GAB2: variants seen among roughly 807,000 people sequenced by gnomAD.
GAB2 encodes GRB2 associated binding protein 2.
GAB2 carries 26 observed loss-of-function variants against 65.5 expected under a neutral mutation model. The ratio of observed to expected loss-of-function variants is 0.40; its 90% CI spans 0.29 to 0.55. The LOEUF (loss-of-function observed/expected upper bound fraction) is 0.55. GAB2 is among the 20% of genes least tolerant of loss of function. GAB2 has a pLI of 0.53. For synonymous variants in GAB2, 321 were observed against 329.6 expected, an observed-to-expected ratio of 0.97 and a Z score of 0.28; for missense variants, 884 against 875.8, an observed-to-expected ratio of 1.01 and a Z score of -0.12.
chr11:78,253,323 G>C (rs1472418604), intron 2 of GAB2, among the ~76,000 whole-genome samples: 1 of 152,068 alleles, frequency 6.6e-6, no homozygotes, highest in Non-Finnish European at 1.5e-5. Flanking sequence ...ACATGGTCTT[G>C]CTCTGTTGCT....
chr11:78,232,374 C>A (rs777133271), intron 3 of GAB2, among the ~76,000 whole-genome samples: 7 of 152,162 alleles, frequency 4.6e-5, no homozygotes, highest in Non-Finnish European at 7.3e-5. Flanking sequence ...GGTTTAACAG[C>A]CTTCTTGAAA....
chr11:78,388,523 T>C (rs1055009680), intron 1 of GAB2, among the ~76,000 whole-genome samples: 1 of 151,896 alleles, frequency 6.6e-6, no homozygotes, highest in Non-Finnish European at 1.5e-5. Context: ...AGACAGTGTC[T>C]TGCTATGTTG....
chr11:78,408,334 C>T (rs1012810482), intron 1 of GAB2, among the ~76,000 whole-genome samples: 5 of 152,064 alleles, frequency 3.3e-5, no homozygotes, highest in African/African-American at 1.2e-4. Context: ...TAAGACGACA[C>T]CAACTGACTG....
At chr11:78,324,526 G>C (rs1855788588) in intron 1 of GAB2, among the ~76,000 whole-genome samples, 1 of 152,182 alleles carries the variant, frequency 6.6e-6, no homozygotes, top group South Asian at 2.1e-4. Context: ...AAAGAAAGGT[G>C]CTAGAGGGAA....
At chr11:78,337,243 T>C (rs1323072787) in intron 1 of GAB2, among the ~76,000 whole-genome samples, 1 of 152,214 alleles carries the variant, frequency 6.6e-6, no homozygotes, top group Admixed American at 6.5e-5. Context: ...TGGGTTTGAT[T>C]TCCTCATCTA....
rs1019214880 is a variant in GAB2, at chr11:78,417,809, G to T, written c.-89C>A. 1 of 610,644 alleles carries T rather than the reference G, an allele frequency of 1.6e-6. No homozygotes were observed. The highest frequency in any genetic ancestry group is 2.1e-6 in the Non-Finnish European group (1 of 485,978). The allele number at this position is 610,644 out of a possible 1,614,324, so 37.8% of individuals were successfully genotyped here. A position where few individuals can be genotyped will look rare whatever the true frequency, so the allele number is the denominator to read the frequency against. ...CAGCGGCCGGCGGTGCGCAGCTCGCGGGAGGCCAGGGGCGGGGCGGGCGGC... is the reference window on the plus strand; with the variant it reads ...CAGCGGCCGGCGGTGCGCAGCTCGCTGGAGGCCAGGGGCGGGGCGGGCGGC... On this transcript the variant is annotated 5_prime_UTR_variant, in exon 1 of 10. Transcript: ENST00000361507.
At position 78,219,107 on chromosome 11, in the gene GAB2, C is replaced by G. The variant is rs972885322; in HGVS notation, c.*165G>C. 1 of 651,956 alleles carries G rather than the reference C, an allele frequency of 1.5e-6. No homozygotes were observed. Among genetic ancestry groups the G allele is most frequent in the Non-Finnish European group, 2.6e-6 (1 of 387,060 alleles). 40.4% of individuals were successfully genotyped at this position (651,956 alleles called of 1,614,324 possible). A position where few individuals can be genotyped will look rare whatever the true frequency, so the allele number is the denominator to read the frequency against. On this transcript the variant is annotated 3_prime_UTR_variant, in exon 10 of 10. Coordinates refer to ENST00000361507, the MANE Select transcript of GAB2 (RefSeq NM_080491.3). Reference sequence around the variant, plus strand: ...GGAGGTGCCTTGATCAGGCCCTCACCTCCCAGGGGAAGGGTTCAGGGTCCC... The same window carrying G: ...GGAGGTGCCTTGATCAGGCCCTCACGTCCCAGGGGAAGGGTTCAGGGTCCC...
chr11:78,391,011 C>T (rs1856827486), intron 1 of GAB2, among the ~76,000 whole-genome samples: 1 of 152,106 alleles, frequency 6.6e-6, no homozygotes, highest in Non-Finnish European at 1.5e-5. Flanking sequence ...CTCAAAGAGC[C>T]CTGATTAGGA....
Position 78,362,521 on chromosome 11 carries a change from G to A in GAB2, c.75+55125C>T, listed in dbSNP as rs186357975. Among the ~76,000 whole-genome samples the A allele has an allele frequency of 2.6e-3, 400 of 151,990 alleles. 2 individuals are homozygous for A. The highest frequency in any genetic ancestry group is 9.3e-3 in the African/African-American group (385 of 41,460). On this transcript the variant is annotated intron_variant, in intron 1 of 9. Coordinates refer to ENST00000361507, the MANE Select transcript of GAB2 (RefSeq NM_080491.3). ...AAACAACAGAAAATTTCAGTGTAAG[G>A]TAAGGTACAACACTACACGGTTGCA...
intron 1 of GAB2, among the ~76,000 whole-genome samples, chr11:78,302,480 C>A (rs189920296): frequency 1.3e-5 from 2 of 151,736 alleles, no homozygotes; most frequent in South Asian, 2.1e-4. Context: ...AACCACAAAG[C>A]GATACCACCT....
chr11:78,340,661 G>A (rs1277331704), intron 1 of GAB2, among the ~76,000 whole-genome samples: 2 of 151,778 alleles, frequency 1.3e-5, no homozygotes, highest in African/African-American at 4.8e-5. Flanking sequence ...GTAAGACTGG[G>A]GGAAGAGAGA....
chr11:78,296,416 C>A (rs1021583427), intron 1 of GAB2, among the ~76,000 whole-genome samples: 2 of 152,228 alleles, frequency 1.3e-5, no homozygotes, highest in Non-Finnish European at 2.9e-5. Context: ...TGGCTAACAG[C>A]ACTTCAACTC....
In GAB2 at chr11:78,355,241, C is replaced by G. The variant is rs368865780; in HGVS notation, c.75+62405G>C. Among the ~76,000 whole-genome samples the G allele has an allele frequency of 1.0e-3, 156 of 152,312 alleles. 2 individuals carry two copies. In the South Asian group the frequency reaches 0.031, roughly 30 times the overall value. On this transcript the variant is annotated intron_variant, in intron 1 of 9. Coordinates refer to ENST00000361507, the MANE Select transcript of GAB2 (RefSeq NM_080491.3). ...ATCTTTTAGGTTTCAGTTTCCTCATCTATAAACAACAGCAAAGTTTCTGGG... is the reference window on the plus strand; with the variant it reads ...ATCTTTTAGGTTTCAGTTTCCTCATGTATAAACAACAGCAAAGTTTCTGGG...
intron 2 of GAB2, among the ~76,000 whole-genome samples, chr11:78,263,899 A>ATTTTT (rs35453397): frequency 7.0e-6 from 1 of 142,562 alleles, no homozygotes; most frequent in Non-Finnish European, 1.5e-5. Flanking sequence ...TCTCCTGTCA[A>ATTTTT]TTTTTTTTTT....
rs371586134 is a variant in GAB2 at position 78,223,672 on chromosome 11, C to T, written c.1307G>A (p.Gly436Glu). The change falls in exon 6 of 10, where the codon GGG (glycine) becomes GAG (glutamate). Residue 436 changes from glycine (G) to glutamate (E), a missense_variant. Coordinates refer to ENST00000361507, the MANE Select transcript of GAB2 (RefSeq NM_080491.3). ...MSDGVGSFLP[G>E]KMIVGRSDST... Reference sequence around the variant, plus strand: ...GTCCGATCGGCCCACAATCATTTTCCCTGGCTAGGGAGAGGAACAGTGAAA... The same window carrying T: ...GTCCGATCGGCCCACAATCATTTTCTCTGGCTAGGGAGAGGAACAGTGAAA... 1 of 1,597,746 alleles carries T rather than the reference C, an allele frequency of 6.3e-7. No homozygotes were observed. Among genetic ancestry groups the T allele is most frequent in the Non-Finnish European group, 8.5e-7 (1 of 1,170,882 alleles).
chr11:78,260,334 G>T (rs1489507595), intron 2 of GAB2, among the ~76,000 whole-genome samples: 1 of 152,236 alleles, frequency 6.6e-6, no homozygotes, highest in Non-Finnish European at 1.5e-5. Context: ...AAAGAGGAAA[G>T]AGAGCGAGTG....
intron 1 of GAB2, among the ~76,000 whole-genome samples, chr11:78,290,896 A>G (rs1866647535): frequency 6.6e-6 from 1 of 152,228 alleles, no homozygotes; most frequent in South Asian, 2.1e-4. Flanking sequence ...GAGATTTTGA[A>G]GAAAGAGGCA....
intron 9 of GAB2, 86 bp from the exon 10 acceptor site, chr11:78,219,501 G>A (rs1470470035): frequency 4.8e-6 from 6 of 1,249,930 alleles, no homozygotes; most frequent in Non-Finnish European, 5.8e-6. Flanking sequence ...ATCTTCCTGA[G>A]CTGTCTGAAG....
intron 1 of GAB2, among the ~76,000 whole-genome samples, chr11:78,281,645 C>T (rs1415508638): frequency 6.6e-6 from 1 of 152,126 alleles, no homozygotes; most frequent in Non-Finnish European, 1.5e-5. Flanking sequence ...TCAGATTTCC[C>T]AAGTTTCAAA....
Sources: gnomAD v4.1 joint callset for allele counts (sites outside exome capture counted in the v4.1 genomes callset) on GRCh38, gnomAD v4.1.1 for gene constraint, MANE v1.5 for transcripts, NCBI Gene and HGNC (gene_info 2026-07-23, HGNC 2026-07-21) for gene names.